The following SCRG1 variants were observed in gnomAD, a reference collection of about 807,000 sequenced individuals.
The protein encoded by SCRG1 is stimulator of chondrogenesis 1.
SCRG1 carries 3 observed loss-of-function variants against 7.7 expected under a neutral mutation model. The ratio of observed to expected loss-of-function variants is 0.39; its 90% CI spans 0.18 to 1.01. The LOEUF (loss-of-function observed/expected upper bound fraction) is 1.01, where lower values mean the gene tolerates loss of function less well. Ranked by LOEUF, SCRG1 falls within the 50% of genes least tolerant of loss-of-function variation. The pLI, the probability that SCRG1 is intolerant of heterozygous loss-of-function variation, is 0.36. For missense variants in SCRG1, 110 were observed against 117.2 expected (o/e 0.94, Z 0.28); for synonymous variants, 46 against 41.2 (o/e 1.12, Z -0.44).
At chr4:173,416,980 C>A in the SCRG1 span, among the ~76,000 whole-genome samples, 1 of 144,918 alleles carries the variant, frequency 6.9e-6, no homozygotes, top group South Asian at 2.2e-4. Context: ...ACACCACACA[C>A]ACACCCCACA....
At chr4:173,424,821 A>T in the SCRG1 span, among the ~76,000 whole-genome samples, 2 of 151,842 alleles carry the variant, frequency 1.3e-5, no homozygotes, top group Admixed American at 1.3e-4. Flanking sequence ...AGACAGGATA[A>T]TTACTTGAAC....
chr4:173,408,991 C>CAAAAAAAAAAAAAAAAAAAAAA (rs991902394), upstream of SCRG1, among the ~76,000 whole-genome samples: 1 of 51,258 alleles, frequency 2.0e-5, no homozygotes, highest in African/African-American at 6.4e-5. Context: ...GACTCAGTCT[C>CAAAAAAAAAAAAAAAAAAAAAA]AAAAAAAAAA....
rs1359348080 is a variant in SCRG1, at chr4:173,386,507, C to G, written c.*1834G>C. 6.6e-6 allele frequency: 1 copy of G among 151,978 alleles called. No individual in the cohort carries two copies. The highest frequency in any genetic ancestry group is 6.6e-5 in the Admixed American group (1 of 15,246). 9.4% of individuals were successfully genotyped at this position (151,978 alleles called of 1,614,324 possible). A position where few individuals can be genotyped will look rare whatever the true frequency, so the allele number is the denominator to read the frequency against. On this transcript the variant is annotated 3_prime_UTR_variant, in exon 3 of 3. Transcript: ENST00000296506. ...CTACCTCAAAATTGTTTGGTCCAGC[C>G]CAGTAACACTTATTTACACAGATTA...
chr4:173,407,686 G>A (rs1335239492), upstream of SCRG1, among the ~76,000 whole-genome samples: 1 of 152,108 alleles, frequency 6.6e-6, no homozygotes, highest in Non-Finnish European at 1.5e-5. Flanking sequence ...CTCAAATATA[G>A]CTATTTTAAA....
At chr4:173,388,510 T>C in intron 2 of SCRG1, 115 bp from the exon 3 acceptor site, 2 of 664,480 alleles carry the variant, frequency 3.0e-6, no homozygotes, top group Non-Finnish European at 5.0e-6. Context: ...TTATTCTTTT[T>C]AGGTGACTAA....
the SCRG1 span, among the ~76,000 whole-genome samples, chr4:173,444,445 A>G: frequency 8.5e-5 from 13 of 152,364 alleles, no homozygotes; most frequent in South Asian, 2.1e-3. Context: ...TGTTACAACC[A>G]TTGTACTGTG....
the SCRG1 span, among the ~76,000 whole-genome samples, chr4:173,513,396 C>T: frequency 1.3e-5 from 2 of 152,114 alleles, no homozygotes; most frequent in Non-Finnish European, 2.9e-5. Flanking sequence ...TTACTCCCCC[C>T]TTTTTTATTT....
chr4:173,473,151 A>T, the SCRG1 span, among the ~76,000 whole-genome samples: 1 of 152,360 alleles, frequency 6.6e-6, no homozygotes, highest in East Asian at 1.9e-4. Context: ...GTGTTCCACA[A>T]ACTTTAGTTG....
the SCRG1 span, among the ~76,000 whole-genome samples, chr4:173,461,866 T>A: frequency 8.7e-4 from 91 of 105,114 alleles, no homozygotes; most frequent in Non-Finnish European, 1.9e-3. Context: ...AGAAAGACAT[T>A]GAAATAATTA....
chr4:173,485,663 G>T, the SCRG1 span, among the ~76,000 whole-genome samples: 1 of 152,058 alleles, frequency 6.6e-6, no homozygotes, highest in African/African-American at 2.4e-5. Context: ...TACTACTGAA[G>T]TTGAATTAGA....
chr4:173,457,656 G>A, the SCRG1 span, among the ~76,000 whole-genome samples: 1 of 152,116 alleles, frequency 6.6e-6, no homozygotes, highest in Admixed American at 6.6e-5. Context: ...CTTTTGTTAC[G>A]CTACTTTTAA....
chr4:173,405,498 A>G (rs1407929787), intron 1 of SCRG1, among the ~76,000 whole-genome samples: 1 of 152,182 alleles, frequency 6.6e-6, no homozygotes, highest in Non-Finnish European at 1.5e-5. Context: ...GTCCATATGT[A>G]AGGAGTGGGA....
At chr4:173,506,843 G>A in the SCRG1 span, among the ~76,000 whole-genome samples, 1 of 152,218 alleles carries the variant, frequency 6.6e-6, no homozygotes, top group African/African-American at 2.4e-5. This position sits in a 1 kb window ranked among gnomAD's most constrained non-coding sequence, Gnocchi z 5.3. Context: ...CTCTCTGAGA[G>A]TCCGACCTCC....
chr4:173,478,392 A>C, the SCRG1 span, among the ~76,000 whole-genome samples: 1 of 149,620 alleles, frequency 6.7e-6, no homozygotes, highest in Non-Finnish European at 1.5e-5. Flanking sequence ...AAAACAAAAA[A>C]CAAAAAAAAC....
the SCRG1 span, among the ~76,000 whole-genome samples, chr4:173,459,345 T>C: frequency 6.6e-6 from 1 of 152,236 alleles, no homozygotes; most frequent in Admixed American, 6.5e-5. Context: ...TTCTCCAGGA[T>C]AGACCATATC....
chr4:173,432,263 C>A, the SCRG1 span, among the ~76,000 whole-genome samples: 1 of 149,062 alleles, frequency 6.7e-6, no homozygotes, highest in African/African-American at 2.5e-5. Context: ...TCCTTCCTTC[C>A]TTATTCCCTT....
the SCRG1 span, among the ~76,000 whole-genome samples, chr4:173,486,871 C>A: frequency 6.6e-6 from 1 of 152,154 alleles, no homozygotes; most frequent in Non-Finnish European, 1.5e-5. Context: ...GGCCCTCTTC[C>A]AGGGTTCCTG....
the SCRG1 span, among the ~76,000 whole-genome samples, chr4:173,474,841 T>C: frequency 6.6e-6 from 1 of 152,244 alleles, no homozygotes; most frequent in African/African-American, 2.4e-5. Context: ...GACAAGAAAA[T>C]AAAGATCACA....
At chr4:173,431,592 A>C in the SCRG1 span, among the ~76,000 whole-genome samples, 1 of 152,256 alleles carries the variant, frequency 6.6e-6, no homozygotes, top group Non-Finnish European at 1.5e-5. Context: ...ATCCAATAAA[A>C]GAGACTATGC....
Sources: allele counts gnomAD v4.1 joint callset (sites outside exome capture counted in the v4.1 genomes callset), GRCh38; gene constraint gnomAD v4.1.1; non-coding constraint Gnocchi (gnomAD v3.1); transcripts MANE v1.5; gene names NCBI Gene and HGNC (gene_info 2026-07-23, HGNC 2026-07-21).